The following PCDH15 variants were observed in gnomAD, a reference collection of about 807,000 sequenced individuals.
PCDH15 encodes protocadherin related 15, also known as protocadherin-15.
A neutral mutation model predicts 178.5 loss-of-function variants in PCDH15; 129 were observed. The observed-to-expected ratio is 0.72, with a 90% CI of 0.63 to 0.84. The LOEUF (loss-of-function observed/expected upper bound fraction) is 0.84, where lower values mean the gene tolerates loss of function less well. Ranked by LOEUF, PCDH15 falls within the 40% of genes least tolerant of loss-of-function variation. The pLI is 0.00. For synonymous variants in PCDH15, 800 were observed against 732.0 expected (o/e 1.09, Z -1.50); for missense variants, 2,230 against 2,099.9 (o/e 1.06, Z -1.21).
At chr10:54,935,287 C>T (rs529860861) in intron 2 of PCDH15, among the ~76,000 whole-genome samples, 6 of 151,956 alleles carry the variant, frequency 3.9e-5, no homozygotes, top group African/African-American at 1.2e-4. Flanking sequence ...ATGCAGAGAC[C>T]GATGAAAATT....
At chr10:54,366,701 G>C (rs1188166106) in intron 5 of PCDH15, among the ~76,000 whole-genome samples, 1 of 150,698 alleles carries the variant, frequency 6.6e-6, no homozygotes, top group Non-Finnish European at 1.5e-5. Context: ...GCTATTTCAA[G>C]CTTTAAATGC....
intron 2 of PCDH15, among the ~76,000 whole-genome samples, chr10:55,488,738 C>T (rs1353829928): frequency 3.3e-5 from 5 of 151,374 alleles, no homozygotes; most frequent in Admixed American, 1.3e-4. Context: ...ATCATCATCA[C>T]CAATTTAAAA....
In PCDH15 at chr10:54,747,256, C is replaced by T. The variant is rs934527175; in HGVS notation, c.-29+53669G>A. On this transcript the variant is annotated intron_variant, in intron 1 of 37. Transcript: ENST00000644397. ...TTCAGAAATCCAAGTTCCCAGACAC[C>T]AGCCACTGGTCAACTTTGCAAAAAG... is the stretch of plus-strand genomic sequence containing the variant. 6.6e-4 allele frequency among the ~76,000 whole-genome samples: 101 copies of T among 152,144 alleles called. 6 individuals carry two copies.
intron 15 of PCDH15, among the ~76,000 whole-genome samples, chr10:54,093,454 T>C (rs1357182527): frequency 2.6e-5 from 4 of 152,166 alleles, no homozygotes; most frequent in Non-Finnish European, 5.9e-5. Context: ...TTAGCACTTG[T>C]ATAGACAATA....
chr10:54,320,404 T>C (rs1326684792), intron 7 of PCDH15, among the ~76,000 whole-genome samples: 2 of 152,062 alleles, frequency 1.3e-5, no homozygotes, highest in South Asian at 4.1e-4. Context: ...GCTGTGTATA[T>C]GCACTCCCAT....
At chr10:55,504,516 C>G (rs1840721664) in intron 2 of PCDH15, among the ~76,000 whole-genome samples, 1 of 151,258 alleles carries the variant, frequency 6.6e-6, no homozygotes, top group African/African-American at 2.4e-5. Flanking sequence ...ATTACCAGTA[C>G]ATCCATAACT....
Position 54,023,067 on chromosome 10 carries a change from T to C in PCDH15, c.2351A>G (p.Tyr784Cys). The C allele has an allele frequency of 1.2e-6, 2 of 1,614,024 alleles. No individual in the cohort carries two copies. Among genetic ancestry groups the C allele is most frequent in the East Asian group, 2.2e-5 (1 of 44,872 alleles). ...AVKLNREVRDYYELVVVATDG... is the reference protein window; with the variant it reads ...AVKLNREVRDCYELVVVATDG... ...TGTTGCCACAACAACAAGTTCATAG[T>C]AGTCCCTGACTTCTCTGTTAAGCTT... Residue 784 changes from tyrosine (Y) to cysteine (C), a missense_variant, in exon 19 of 38, where the codon TAC becomes TGC. By Grantham distance (194) the Tyr-to-Cys change is radical (BLOSUM62 -2). Transcript: ENST00000644397.
upstream of PCDH15, among the ~76,000 whole-genome samples, chr10:54,802,392 T>G (rs1952691179): frequency 6.6e-6 from 1 of 152,276 alleles, no homozygotes; most frequent in Non-Finnish European, 1.5e-5. Context: ...ATTTTAAACA[T>G]TAACACGTGT....
intron 28 of PCDH15, among the ~76,000 whole-genome samples, chr10:53,842,716 C>G (rs1354071427): frequency 6.6e-6 from 1 of 152,088 alleles, no homozygotes; most frequent in Admixed American, 6.5e-5. Flanking sequence ...TCTTCCTTGT[C>G]TCAAATTCAT....
intron 2 of PCDH15, among the ~76,000 whole-genome samples, chr10:55,061,201 A>G (rs1841420770): frequency 6.6e-6 from 1 of 152,208 alleles, no homozygotes; most frequent in Non-Finnish European, 1.5e-5. Context: ...CATACATAGA[A>G]ACTTTAAAAA....
intron 3 of PCDH15, among the ~76,000 whole-genome samples, chr10:54,516,946 T>C (rs2082293947): frequency 1.3e-5 from 2 of 152,106 alleles, no homozygotes; most frequent in South Asian, 2.1e-4. Flanking sequence ...CAGAATTTCA[T>C]ATCCAGCCAA....
chr10:55,238,367 G>C (rs966303408), intron 1 of PCDH15, among the ~76,000 whole-genome samples: 26 of 151,804 alleles, frequency 1.7e-4, no homozygotes, highest in Non-Finnish European at 2.8e-4. Context: ...AGCCAGGATG[G>C]TCTCGATCTC....
intron 3 of PCDH15, among the ~76,000 whole-genome samples, chr10:54,435,699 G>A (rs185411490): frequency 5.9e-5 from 9 of 152,204 alleles, no homozygotes; most frequent in South Asian, 2.1e-4. Context: ...GGACAGGCGC[G>A]GTGGCTCACG....
At chr10:54,191,667 C>G (rs2049000138) in intron 11 of PCDH15, among the ~76,000 whole-genome samples, 4 of 150,808 alleles carry the variant, frequency 2.7e-5, no homozygotes, top group Admixed American at 2.0e-4. Flanking sequence ...CCTGTAAACC[C>G]GAGCAAGGTG....
chr10:54,877,005 C>T (rs1255332095), intron 3 of PCDH15, among the ~76,000 whole-genome samples: 1 of 152,078 alleles, frequency 6.6e-6, no homozygotes, highest in Admixed American at 6.6e-5. Context: ...TTTATTTTCC[C>T]TTGAATATAT....
rs745759131 is a variant in PCDH15 at position 54,185,140 on chromosome 10, G to A, written c.1434C>T (p.Thr478=). Residue 478 remains threonine, a synonymous_variant, in exon 12 of 38, where the codon ACC becomes ACT. Coordinates refer to ENST00000644397, the MANE Select transcript of PCDH15 (RefSeq NM_001384140.1). ...PVDREEQQTY[T]FSITAFDGVQ... ...TTACACAAAAGCTCTTTACCGAAAAGGTGTAAGTTTGCTGTTCTTCCCTGT... is the reference window on the plus strand; with the variant it reads ...TTACACAAAAGCTCTTTACCGAAAAAGTGTAAGTTTGCTGTTCTTCCCTGT... 1.1e-5 allele frequency: 17 copies of A among 1,613,326 alleles called. No homozygotes were observed. The South Asian group carries it at 1.1e-4, about 10-fold the overall frequency.
At chr10:54,324,070 C>G in intron 7 of PCDH15, among the ~76,000 whole-genome samples, 1 of 152,070 alleles carries the variant, frequency 6.6e-6, no homozygotes, top group Non-Finnish European at 1.5e-5. Context: ...CACTCTCACT[C>G]CTCAGAAAAT....
chr10:54,972,604 T>A (rs1477248641), intron 2 of PCDH15, among the ~76,000 whole-genome samples: 1 of 150,394 alleles, frequency 6.6e-6, no homozygotes, highest in Admixed American at 6.6e-5. Context: ...ATCCCAGCAC[T>A]TTTGGGAGGC....
At chr10:53,872,883 T>C (rs1374031103) in intron 26 of PCDH15, among the ~76,000 whole-genome samples, 1 of 152,188 alleles carries the variant, frequency 6.6e-6, no homozygotes, top group East Asian at 1.9e-4. Context: ...ATATCTGTAC[T>C]TACTTTGACT....
Sources: allele counts gnomAD v4.1 joint callset (sites outside exome capture counted in the v4.1 genomes callset), GRCh38; gene constraint gnomAD v4.1.1; transcripts MANE v1.5; gene names NCBI Gene and HGNC (gene_info 2026-07-23, HGNC 2026-07-21).